The following GPHN variants were observed in gnomAD, a reference collection of about 807,000 sequenced individuals.
The protein encoded by GPHN is gephyrin.
A neutral mutation model predicts 95.5 loss-of-function variants in GPHN; 17 were observed. That is an observed-to-expected ratio of 0.18 (90% CI 0.12 to 0.27). The LOEUF (loss-of-function observed/expected upper bound fraction) is 0.27. GPHN is among the 10% of genes least tolerant of loss of function. The probability of loss-of-function intolerance (pLI) is 1.00; values close to 1 mark genes in which losing one functional copy is unlikely to be tolerated. For synonymous variants in GPHN, 320 were observed against 322.5 expected, an observed-to-expected ratio of 0.99 and a Z score of 0.08; for missense variants, 660 against 978.1, an observed-to-expected ratio of 0.67 and a Z score of 4.34.
Position 66,924,241 on chromosome 14 carries a change from A to T in GPHN, c.777A>T (p.Glu259Asp). The T allele has an allele frequency of 8.7e-6, 14 of 1,612,318 alleles. No homozygotes were observed. Among genetic ancestry groups the T allele is most frequent in the Non-Finnish European group, 1.2e-5 (14 of 1,178,338 alleles). The change falls in exon 8 of 23, where the codon GAA (glutamate) becomes GAT (aspartate). Residue 259 changes from glutamate (E) to aspartate (D), a missense_variant. Physicochemically the swap from Glu to Asp is conservative, Grantham distance 45 (BLOSUM62 2). This residue lies in a region of GPHN where 190 missense variants were observed against 224.7 expected (regional missense o/e 0.85). Coordinates refer to ENST00000478722, the MANE Select transcript of GPHN (RefSeq NM_020806.5). ...CTGCTGTTGTCATGGCACACGGTGA[A>T]CAGCCCATCCCTGGTCTCATCAATT... ...TSPAVVMAHG[E>D]QPIPGLINYS...
At chr14:66,796,624 T>C (rs1475761308) in intron 3 of GPHN, among the ~76,000 whole-genome samples, 2 of 152,114 alleles carry the variant, frequency 1.3e-5, no homozygotes, top group African/African-American at 4.8e-5. Context: ...CCTTTTCATA[T>C]GCCTATTTGC....
intron 17 of GPHN, among the ~76,000 whole-genome samples, chr14:67,139,232 A>G (rs1335545143): frequency 4.6e-5 from 7 of 151,798 alleles, no homozygotes; most frequent in East Asian, 1.9e-4. Flanking sequence ...CAAAAAAAAA[A>G]AGAGAGAGAG....
chr14:67,254,932 C>T, the GPHN span, among the ~76,000 whole-genome samples: 994 of 152,276 alleles, frequency 6.5e-3, 8 homozygotes, highest in Non-Finnish European at 8.0e-3. Context: ...GGGCAGATCA[C>T]GAGGTCAAGA....
chr14:67,398,006 C>T, the GPHN span: 1 of 421,998 alleles, frequency 2.4e-6, no homozygotes, highest in Non-Finnish European at 4.2e-6. Context: ...TTGGCACTGA[C>T]CTTCTAGTTC....
At chr14:67,174,195 T>C (rs1189066908) in intron 21 of GPHN, among the ~76,000 whole-genome samples, 4 of 152,140 alleles carry the variant, frequency 2.6e-5, no homozygotes, top group Non-Finnish European at 4.4e-5. Context: ...TTACATTGGG[T>C]ATTTTTCCTA....
At chr14:66,828,149 T>C (rs2061447979) in intron 4 of GPHN, among the ~76,000 whole-genome samples, 2 of 151,860 alleles carry the variant, frequency 1.3e-5, no homozygotes. Flanking sequence ...TATATGTATA[T>C]ATAAATACAT....
chr14:67,657,620 ACACC>A, the GPHN span, among the ~76,000 whole-genome samples: 938 of 140,134 alleles, frequency 6.7e-3, 22 homozygotes, highest in Admixed American at 0.044. Context: ...ACACACACAC[ACACC>A]CAAAATCAAA....
At chr14:67,417,440 TTTTA>T in the GPHN span, among the ~76,000 whole-genome samples, 3 of 152,156 alleles carry the variant, frequency 2.0e-5, no homozygotes, top group African/African-American at 7.2e-5. Flanking sequence ...GATATAATAT[TTTTA>T]TTTTTGAGAC....
intron 3 of GPHN, among the ~76,000 whole-genome samples, chr14:66,808,566 C>T (rs540571404): frequency 2.6e-5 from 4 of 152,234 alleles, no homozygotes; most frequent in South Asian, 4.1e-4. Context: ...TTTGGGAGGC[C>T]GAGGCGAGGA....
At chr14:66,588,324 C>G (rs1257081788) in intron 1 of GPHN, among the ~76,000 whole-genome samples, 1 of 152,016 alleles carries the variant, frequency 6.6e-6, no homozygotes, top group Non-Finnish European at 1.5e-5. Flanking sequence ...AACCAGAATG[C>G]CTCTTCTCCT....
chr14:67,703,643 T>A, the GPHN span, among the ~76,000 whole-genome samples: 21 of 152,198 alleles, frequency 1.4e-4, no homozygotes, highest in East Asian at 1.2e-3. Flanking sequence ...GGCCATAATA[T>A]GTATCTAGCT....
the GPHN span, chr14:67,395,416 C>T: frequency 3.2e-5 from 52 of 1,613,578 alleles, no homozygotes; most frequent in East Asian, 4.5e-5. Flanking sequence ...GGCTGATGTG[C>T]GGGGGCAGCT....
intron 5 of GPHN, among the ~76,000 whole-genome samples, chr14:66,886,409 T>C (rs1416550018): frequency 6.6e-6 from 1 of 152,132 alleles, no homozygotes; most frequent in African/African-American, 2.4e-5. Context: ...AAGATTCATA[T>C]TGTAGGCTAG....
chr14:66,752,763 G>T (rs2058416289), intron 2 of GPHN, among the ~76,000 whole-genome samples: 2 of 151,808 alleles, frequency 1.3e-5, no homozygotes, highest in Admixed American at 6.6e-5. Flanking sequence ...CCTTGACATG[G>T]GTTGCCAGAA....
the GPHN span, among the ~76,000 whole-genome samples, chr14:67,418,819 G>C: frequency 2.6e-5 from 4 of 152,184 alleles, no homozygotes; most frequent in Non-Finnish European, 5.9e-5. Context: ...GGAGGGGTGG[G>C]TGCCCTCTCC....
At chr14:66,661,231 CA>C (rs2065626833) in intron 1 of GPHN, among the ~76,000 whole-genome samples, 1 of 152,194 alleles carries the variant, frequency 6.6e-6, no homozygotes, top group Admixed American at 6.5e-5. Context: ...AGCCAGCCCC[CA>C]GCAACAGAGT....
chr14:66,820,584 A>C (rs1476884017), intron 3 of GPHN, among the ~76,000 whole-genome samples: 9 of 152,160 alleles, frequency 5.9e-5, no homozygotes, highest in Non-Finnish European at 1.0e-4. Context: ...AGCTGCTTAC[A>C]ATAAGAAAAA....
intron 3 of GPHN, among the ~76,000 whole-genome samples, chr14:66,778,118 C>T (rs939033842): frequency 6.6e-6 from 1 of 152,158 alleles, no homozygotes; most frequent in African/African-American, 2.4e-5. Flanking sequence ...TAAGCAACTT[C>T]AGCAAAGTCT....
chr14:67,558,965 G>A, the GPHN span, among the ~76,000 whole-genome samples: 2 of 152,244 alleles, frequency 1.3e-5, no homozygotes, highest in African/African-American at 4.8e-5. Flanking sequence ...GCAAGCAGGT[G>A]GAGGACTGGA....
Sources: gnomAD v4.1 joint callset for allele counts (sites outside exome capture counted in the v4.1 genomes callset) on GRCh38, gnomAD v4.1.1 for gene constraint, gnomAD v4.1.1 regional missense constraint, MANE v1.5 for transcripts, NCBI Gene and HGNC (gene_info 2026-07-23, HGNC 2026-07-21) for gene names.